FHIT: variants seen among roughly 807,000 people sequenced by gnomAD.
The protein encoded by FHIT is fragile histidine triad diadenosine triphosphatase.
In FHIT, 19 loss-of-function variants were observed where a neutral mutation model predicts 17.9. The ratio of observed to expected loss-of-function variants is 1.06; its 90% CI spans 0.74 to 1.56. The LOEUF (loss-of-function observed/expected upper bound fraction) is 1.56, where lower values mean the gene tolerates loss of function less well. FHIT is among the 40% of genes most tolerant of loss of function. The pLI is 0.00. For synonymous variants in FHIT, 81 were observed against 69.7 expected (o/e 1.16, Z -0.81); for missense variants, 248 against 189.2 (o/e 1.31, Z -1.82).
At position 60,538,671 on chromosome 3, in the gene FHIT, A is replaced by T. The variant is rs1311375283; in HGVS notation, c.-17-1692T>A. 3.9e-5 allele frequency among the ~76,000 whole-genome samples: 6 copies of T among 152,342 alleles called. No individual in the cohort carries two copies. The South Asian group carries it at 6.2e-4, about 16-fold the overall frequency. ...AACTATCTGATCTTTGACAAACCTGACAAAAACAAGAAATGGGGAAAGGAT... is the reference window on the plus strand; with the variant it reads ...AACTATCTGATCTTTGACAAACCTGTCAAAAACAAGAAATGGGGAAAGGAT... On this transcript the variant is annotated intron_variant, in intron 4 of 9. Transcript: ENST00000492590.
intron 5 of FHIT, among the ~76,000 whole-genome samples, chr3:60,215,519 C>T (rs763560879): frequency 6.6e-5 from 10 of 151,776 alleles, no homozygotes; most frequent in African/African-American, 1.5e-4. Context: ...GCCAAGATCG[C>T]GCCACTGCAG....
intron 2 of FHIT, among the ~76,000 whole-genome samples, chr3:61,148,344 A>G (rs992415489): frequency 1.3e-5 from 2 of 152,084 alleles, no homozygotes; most frequent in African/African-American, 4.8e-5. Flanking sequence ...TTTCCAGAAA[A>G]TTACCTCCTG....
chr3:60,116,771 T>A (rs1307319554), intron 5 of FHIT, among the ~76,000 whole-genome samples: 1 of 152,128 alleles, frequency 6.6e-6, no homozygotes, highest in Admixed American at 6.5e-5. Flanking sequence ...AATCACACCA[T>A]GACGCAAATG....
chr3:60,449,285 C>T lies in FHIT; in HGVS notation c.103+87575G>A, dbSNP rs141445992. Reference sequence around the variant, plus strand: ...AACATCTTGTTCTAGCCTTTTGTGCCGAAAAGCTATGCAACTGTGAGAAAG... The same window carrying T: ...AACATCTTGTTCTAGCCTTTTGTGCTGAAAAGCTATGCAACTGTGAGAAAG... On this transcript the variant is annotated intron_variant, in intron 5 of 9. Coordinates refer to ENST00000492590, the MANE Select transcript of FHIT (RefSeq NM_002012.4). Among the ~76,000 whole-genome samples the T allele has an allele frequency of 4.2e-4, 64 of 152,154 alleles. 1 individual carries two copies. In the East Asian group the frequency reaches 0.011, roughly 27 times the overall value.
intron 8 of FHIT, among the ~76,000 whole-genome samples, chr3:59,761,387 C>G (rs1464342982): frequency 2.0e-5 from 3 of 152,156 alleles, no homozygotes; most frequent in African/African-American, 7.2e-5. Flanking sequence ...CCTTCTTCAC[C>G]CAGTGGATGC....
intron 2 of FHIT, among the ~76,000 whole-genome samples, chr3:61,047,046 G>C (rs2033824476): frequency 6.6e-6 from 1 of 152,158 alleles, no homozygotes; most frequent in African/African-American, 2.4e-5. Context: ...ATACCGAATG[G>C]GCAAAAGCTA....
intron 3 of FHIT, among the ~76,000 whole-genome samples, chr3:60,881,334 C>A (rs1704966500): frequency 6.6e-6 from 1 of 152,124 alleles, no homozygotes. Flanking sequence ...GACCCCAATG[C>A]CATAATAGTT....
intron 5 of FHIT, among the ~76,000 whole-genome samples, chr3:60,108,167 T>C (rs545007252): frequency 1.6e-4 from 24 of 152,376 alleles, no homozygotes; most frequent in Admixed American, 7.2e-4. Flanking sequence ...AGTTAAAAGC[T>C]AATTCAATGT....
intron 3 of FHIT, among the ~76,000 whole-genome samples, chr3:60,912,157 A>G (rs1001048052): frequency 1.3e-5 from 2 of 152,152 alleles, no homozygotes; most frequent in Non-Finnish European, 2.9e-5. Context: ...TACTACTACT[A>G]CTAGAATAAG....
chr3:60,284,071 C>G (rs569841097), intron 5 of FHIT, among the ~76,000 whole-genome samples: 2 of 151,980 alleles, frequency 1.3e-5, no homozygotes, highest in Admixed American at 1.3e-4. Flanking sequence ...ATTTCAGAAT[C>G]ATAAAAAGAT....
At chr3:61,136,800 A>G (rs1382078455) in intron 2 of FHIT, among the ~76,000 whole-genome samples, 3 of 152,178 alleles carry the variant, frequency 2.0e-5, no homozygotes, top group East Asian at 1.9e-4. Flanking sequence ...AAGGACTATC[A>G]TGCTGTTATA....
intron 7 of FHIT, among the ~76,000 whole-genome samples, chr3:59,982,742 T>G (rs75255034): frequency 1.3e-5 from 2 of 152,082 alleles, no homozygotes; most frequent in Non-Finnish European, 2.9e-5. Flanking sequence ...ATCATGTTTA[T>G]TAGGTACCAA....
chr3:60,347,789 G>A (rs1416316360), intron 5 of FHIT, among the ~76,000 whole-genome samples: 2 of 149,810 alleles, frequency 1.3e-5, no homozygotes, highest in African/African-American at 2.5e-5. Context: ...ACAAAGTCTC[G>A]CTCTTGTTGC....
chr3:60,340,458 T>G (rs948839009), intron 5 of FHIT, among the ~76,000 whole-genome samples: 1 of 152,160 alleles, frequency 6.6e-6, no homozygotes, highest in Non-Finnish European at 1.5e-5. Flanking sequence ...CCACCATCCA[T>G]GCCCTTCAGA....
At chr3:60,453,371 G>A (rs187632423) in intron 5 of FHIT, among the ~76,000 whole-genome samples, 2 of 152,210 alleles carry the variant, frequency 1.3e-5, no homozygotes, top group Admixed American at 6.5e-5. Flanking sequence ...TCTTAAAGGC[G>A]AGGTAACAGT....
At chr3:60,568,636 T>A (rs2856010) in intron 4 of FHIT, among the ~76,000 whole-genome samples, 1 of 151,916 alleles carries the variant, frequency 6.6e-6, no homozygotes, top group Non-Finnish European at 1.5e-5. Context: ...AAAGAAAACT[T>A]CTAGACTTCC....
At chr3:59,994,858 T>C (rs964856028) in intron 7 of FHIT, among the ~76,000 whole-genome samples, 1 of 152,110 alleles carries the variant, frequency 6.6e-6, no homozygotes, top group Non-Finnish European at 1.5e-5. Context: ...ACCTTGTCTA[T>C]GCACTAAGTT....
intron 5 of FHIT, among the ~76,000 whole-genome samples, chr3:60,306,804 AT>A (rs765348253): frequency 6.6e-6 from 1 of 152,182 alleles, no homozygotes; most frequent in Non-Finnish European, 1.5e-5. Context: ...CACACTTGGC[AT>A]GTTTAAAAAT....
chr3:59,938,246 C>A (rs555387354), intron 7 of FHIT, among the ~76,000 whole-genome samples: 5 of 151,990 alleles, frequency 3.3e-5, no homozygotes, highest in African/African-American at 1.2e-4. Flanking sequence ...CTGTCATTTG[C>A]ACCAACAAGG....
Sources: gnomAD v4.1 joint callset for allele counts (sites outside exome capture counted in the v4.1 genomes callset) on GRCh38, gnomAD v4.1.1 for gene constraint, MANE v1.5 for transcripts, NCBI Gene and HGNC (gene_info 2026-07-23, HGNC 2026-07-21) for gene names.